Variants in THRB observed in about 807,000 individuals in gnomAD.
The protein encoded by THRB is nuclear receptor subfamily 1 group A member 2.
A neutral mutation model predicts 47.8 loss-of-function variants in THRB; 12 were observed. That is an observed-to-expected ratio of 0.25 (90% CI 0.16 to 0.41). THRB has a LOEUF of 0.41. Among genes scored for constraint, THRB ranks in the 10% least tolerant of loss-of-function variants. The pLI, the probability that THRB is intolerant of heterozygous loss-of-function variation, is 1.00. For synonymous variants in THRB, 218 were observed against 212.2 expected (o/e 1.03, Z -0.24); for missense variants, 348 against 589.2 (o/e 0.59, Z 4.24).
chr3:24,392,645 T>C (rs987441869), intron 1 of THRB, among the ~76,000 whole-genome samples: 5 of 152,154 alleles, frequency 3.3e-5, no homozygotes, highest in Non-Finnish European at 7.4e-5. Flanking sequence ...GGGGATGTGT[T>C]GACCTCAGCA....
At position 24,127,535 on chromosome 3, in the gene THRB, C is replaced by T. The variant is rs1411808171; in HGVS notation, c.1108G>A (p.Val370Ile). The change falls in exon 10 of 11, where the codon GTA (valine) becomes ATA (isoleucine). Residue 370 changes from valine (V) to isoleucine (I), a missense_variant. By Grantham distance (29) the Val-to-Ile change is conservative. Around this residue, in one of 5 missense-constraint regions of THRB, gnomAD observed 45 missense variants for 156.2 expected, o/e 0.29. Coordinates refer to ENST00000646209, the MANE Select transcript of THRB (RefSeq NM_001354712.2). ...LSSFNLDDTE[V>I]ALLQAVLLMS... ...AGCAGGACGGCCTGAAGGAGGGCTACTTCAGTGTCATCCAGGTTGAAAGAA... is the reference window on the plus strand; with the variant it reads ...AGCAGGACGGCCTGAAGGAGGGCTATTTCAGTGTCATCCAGGTTGAAAGAA... 1 of 1,614,064 alleles carries T rather than the reference C, an allele frequency of 6.2e-7. No homozygotes were observed. The highest frequency in any genetic ancestry group is 2.2e-5 in the East Asian group (1 of 44,892).
intron 1 of THRB, among the ~76,000 whole-genome samples, chr3:24,492,042 T>C (rs1698221354): frequency 6.6e-6 from 1 of 152,242 alleles, no homozygotes; most frequent in African/African-American, 2.4e-5. Flanking sequence ...GCATGGAATG[T>C]GTGCAACACA....
At chr3:24,426,849 A>G (rs2069818810) in intron 1 of THRB, among the ~76,000 whole-genome samples, 1 of 151,998 alleles carries the variant, frequency 6.6e-6, no homozygotes, top group African/African-American at 2.4e-5. Flanking sequence ...TGTATAAAAG[A>G]AAATATACCC....
intron 1 of THRB, among the ~76,000 whole-genome samples, chr3:24,437,024 T>C (rs1337650257): frequency 6.6e-6 from 1 of 151,650 alleles, no homozygotes; most frequent in African/African-American, 2.4e-5. Context: ...CAAATGTGCA[T>C]GGACCTGGCA....
chr3:24,259,491 T>C (rs570382054), intron 3 of THRB, among the ~76,000 whole-genome samples: 64 of 152,280 alleles, frequency 4.2e-4, no homozygotes, highest in African/African-American at 1.5e-3. Context: ...ACACACCGCC[T>C]TAAGACTCCT....
At chr3:24,261,187 T>C (rs1018855371) in intron 3 of THRB, among the ~76,000 whole-genome samples, 10 of 151,830 alleles carry the variant, frequency 6.6e-5, no homozygotes, top group Admixed American at 3.3e-4. Flanking sequence ...CTAGCAAACA[T>C]GTTATTTCCT....
intron 2 of THRB, among the ~76,000 whole-genome samples, chr3:24,336,734 T>C (rs1463615860): frequency 2.0e-5 from 3 of 151,314 alleles, no homozygotes; most frequent in Non-Finnish European, 2.9e-5. Context: ...TTTTTTTTTT[T>C]TTTTTGAGAT....
At chr3:24,373,597 A>T (rs2065066384) in intron 1 of THRB, among the ~76,000 whole-genome samples, 1 of 152,106 alleles carries the variant, frequency 6.6e-6, no homozygotes, top group Non-Finnish European at 1.5e-5. Flanking sequence ...GCGGCTGGGA[A>T]TAACAATAAG....
intron 3 of THRB, among the ~76,000 whole-genome samples, chr3:24,240,049 T>C (rs778304593): frequency 1.4e-4 from 21 of 152,194 alleles, no homozygotes; most frequent in Non-Finnish European, 2.6e-4. Flanking sequence ...GGGGTTGCTG[T>C]GGTACCCAAG....
At chr3:24,347,806 T>G (rs1293358346) in intron 1 of THRB, among the ~76,000 whole-genome samples, 4 of 151,996 alleles carry the variant, frequency 2.6e-5, no homozygotes, top group Non-Finnish European at 1.5e-5. Context: ...GGTACTATAC[T>G]CATTAAAGAA....
In THRB at chr3:24,156,590, C is replaced by T. The variant is rs150434557; in HGVS notation, c.284-4100G>A. On this transcript the variant is annotated intron_variant, in intron 5 of 10. Transcript: ENST00000646209. ...ATCTTAAGGGAGGGGCTGTGGTTTG[C>T]GGTAGTGGGAAATACTTTGGGTAGC... Among the ~76,000 whole-genome samples the T allele has an allele frequency of 7.7e-4, 117 of 152,198 alleles. 1 individual carries two copies. Among genetic ancestry groups the T allele is most frequent in the African/African-American group, 2.5e-3 (103 of 41,510 alleles).
intron 1 of THRB, among the ~76,000 whole-genome samples, chr3:24,426,829 T>G (rs750580255): frequency 6.6e-6 from 1 of 151,972 alleles, no homozygotes; most frequent in African/African-American, 2.4e-5. Flanking sequence ...TTTATCCCCA[T>G]GATTTACACT....
chr3:24,306,706 A>G (rs4295122), intron 2 of THRB, among the ~76,000 whole-genome samples: 152,039 of 152,222 alleles, frequency 1, 75,928 homozygotes, highest in Middle Eastern at 1. Flanking sequence ...CTCTGCCTCC[A>G]GCCCATTGCT....
intron 4 of THRB, among the ~76,000 whole-genome samples, chr3:24,222,434 G>A (rs1184639895): frequency 6.6e-6 from 1 of 152,072 alleles, no homozygotes; most frequent in Non-Finnish European, 1.5e-5. Flanking sequence ...GAAGAGGGAG[G>A]GGAGCGAAGG....
chr3:24,196,619 T>C (rs1559568772), intron 4 of THRB, among the ~76,000 whole-genome samples: 1 of 152,184 alleles, frequency 6.6e-6, no homozygotes. Flanking sequence ...ATTTCATAAA[T>C]GACTCCATAC....
chr3:24,261,497 C>CAAAAGA (rs2052003926), intron 3 of THRB, among the ~76,000 whole-genome samples: 1 of 88,254 alleles, frequency 1.1e-5, no homozygotes, highest in African/African-American at 4.4e-5. Context: ...GATTCTGTCT[C>CAAAAGA]AAAAAAAAAA....
At chr3:24,226,211 A>G (rs2047636555) in intron 4 of THRB, among the ~76,000 whole-genome samples, 1 of 152,198 alleles carries the variant, frequency 6.6e-6, no homozygotes, top group African/African-American at 2.4e-5. Context: ...AATATTATCT[A>G]TTATGCTTTT....
chr3:24,423,268 C>G (rs548267962), intron 1 of THRB, among the ~76,000 whole-genome samples: 45 of 151,866 alleles, frequency 3.0e-4, no homozygotes, highest in African/African-American at 1.1e-3. Flanking sequence ...TCTGAAGCCA[C>G]TAAGTTTTGG....
rs2056534175 is a variant in THRB at position 24,297,346 on chromosome 3, A to G, written c.-163T>C. On this transcript the variant is annotated 5_prime_UTR_variant, in exon 3 of 11. Coordinates refer to ENST00000646209, the MANE Select transcript of THRB (RefSeq NM_001354712.2). Reference sequence around the variant, plus strand: ...TCACTGGGGGCAGATGAAATATAAAATGCTGGAGTTTGCCTCTCTGGCGAG... The same window carrying G: ...TCACTGGGGGCAGATGAAATATAAAGTGCTGGAGTTTGCCTCTCTGGCGAG... The G allele has an allele frequency of 6.6e-6, 1 of 152,214 alleles. No individual in the cohort carries two copies. The highest frequency in any genetic ancestry group is 1.5e-5 in the Non-Finnish European group (1 of 68,048). The allele number at this position is 152,214 out of a possible 1,614,324, so 9.4% of individuals were successfully genotyped here.
Sources: allele counts gnomAD v4.1 joint callset (sites outside exome capture counted in the v4.1 genomes callset), GRCh38; gene constraint gnomAD v4.1.1; regional missense constraint gnomAD v4.1.1; transcripts MANE v1.5; gene names NCBI Gene and HGNC (gene_info 2026-07-23, HGNC 2026-07-21).